DERL1: variants seen among roughly 807,000 people sequenced by gnomAD.
DERL1 encodes derlin-1.
In DERL1, 24 loss-of-function variants were observed where a neutral mutation model predicts 41.6. That is an observed-to-expected ratio of 0.58 (90% CI 0.42 to 0.81). The LOEUF (loss-of-function observed/expected upper bound fraction) is 0.81. Among genes scored for constraint, DERL1 ranks in the 30% least tolerant of loss-of-function variants. The pLI, the probability that DERL1 is intolerant of heterozygous loss-of-function variation, is 0.00. For synonymous variants in DERL1, 124 were observed against 112.5 expected, an observed-to-expected ratio of 1.10 and a Z score of -0.65; for missense variants, 260 against 314.3, an observed-to-expected ratio of 0.83 and a Z score of 1.31.
intron 7 of DERL1, chr8:123,015,828 T>C: frequency 2.5e-6 from 1 of 405,934 alleles, no homozygotes; most frequent in Admixed American, 4.5e-5. Context: ...ATTCACACTC[T>C]GAACGTTTTT....
chr8:123,036,770 T>C (rs1251992508), intron 1 of DERL1, among the ~76,000 whole-genome samples: 3 of 152,346 alleles, frequency 2.0e-5, no homozygotes, highest in East Asian at 1.9e-4. Context: ...AGAACTTCTA[T>C]GCTCAGCCTA....
At position 123,015,553 on chromosome 8, in the gene DERL1, A is replaced by G; in HGVS notation, c.650T>C (p.Val217Ala). ...AGCAGGGGGCACACCAAATCCTGATACTCCTCCTCTCCTACTGGGCAGCCA... is the reference window on the plus strand; with the variant it reads ...AGCAGGGGGCACACCAAATCCTGATGCTCCTCCTCTCCTACTGGGCAGCCA... Reference protein sequence around the residue: ...YRWLPSRRGGVSGFGVPPASM... With the variant: ...YRWLPSRRGGASGFGVPPASM... The change falls in exon 8 of 8, where the codon GTA becomes GCA. Residue 217 changes from valine to alanine, a missense_variant. Transcript: ENST00000259512. 1.2e-6 allele frequency: 2 copies of G among 1,610,996 alleles called. No homozygotes were observed. The highest frequency in any genetic ancestry group is 1.7e-6 in the Non-Finnish European group (2 of 1,178,636).
At chr8:123,025,112 T>C (rs1033830811) in intron 2 of DERL1, 62 bp from the exon 3 acceptor site, 7 of 1,534,668 alleles carry the variant, frequency 4.6e-6, no homozygotes, top group South Asian at 1.2e-5. Flanking sequence ...AACATCTACA[T>C]AGAGAAACAC....
intron 7 of DERL1, chr8:123,016,432 G>A (rs1428060243): frequency 6.6e-6 from 1 of 152,220 alleles, no homozygotes; most frequent in African/African-American, 2.4e-5. Context: ...GGCAGCAAGA[G>A]TAAGTCATGA....
intron 6 of DERL1, 63 bp downstream of exon 6, chr8:123,021,384 A>G: frequency 6.8e-7 from 1 of 1,465,274 alleles, no homozygotes; most frequent in Non-Finnish European, 9.6e-7. Flanking sequence ...TTAGAGAAAG[A>G]TAAAAACTAA....
intron 1 of DERL1, among the ~76,000 whole-genome samples, chr8:123,037,965 CATT>C (rs1812963381): frequency 6.6e-6 from 1 of 152,216 alleles, no homozygotes; most frequent in Non-Finnish European, 1.5e-5. Context: ...GAAGACATTT[CATT>C]ATTGTGAACT....
chr8:123,015,486 T>C lies in DERL1; in HGVS notation c.717A>G (p.Arg239=). 2 of 1,613,604 alleles carry C rather than the reference T, an allele frequency of 1.2e-6. No individual in the cohort carries two copies. The highest frequency in any genetic ancestry group is 1.7e-6 in the Non-Finnish European group (2 of 1,179,824). Residue 239 remains arginine, a synonymous_variant, in exon 8 of 8, where the codon AGA becomes AGG. Coordinates refer to ENST00000259512, the MANE Select transcript of DERL1 (RefSeq NM_024295.6). ...RAADQNGGGG[R]HNWGQGFRLG... ...GTCGAAAGCCCTGGCCCCAGTTGTG[T>C]CTCCCGCCTCCGCCATTCTGATCAG... is the stretch of plus-strand genomic sequence containing the variant.
At chr8:123,020,858 C>T (rs1237908597) in intron 6 of DERL1, among the ~76,000 whole-genome samples, 13 of 148,756 alleles carry the variant, frequency 8.7e-5, no homozygotes, top group Admixed American at 7.4e-4. Context: ...CCCAGCTACT[C>T]GGGAGGCTGA....
chr8:123,041,795 C>T (rs1009251713), intron 1 of DERL1, among the ~76,000 whole-genome samples, 175 bp downstream of exon 1: 2 of 152,214 alleles, frequency 1.3e-5, no homozygotes, highest in South Asian at 4.1e-4. Context: ...TCCAGCACCC[C>T]GCTCCAGATC....
chr8:123,026,032 T>TA (rs1812680454), intron 2 of DERL1, among the ~76,000 whole-genome samples: 1 of 151,870 alleles, frequency 6.6e-6, no homozygotes, highest in Admixed American at 6.6e-5. Flanking sequence ...GCTTGAAAGT[T>TA]ACTTTCCCTC....
At chr8:123,024,520 T>C (rs529994298) in intron 3 of DERL1, among the ~76,000 whole-genome samples, 5 of 152,360 alleles carry the variant, frequency 3.3e-5, no homozygotes, top group Admixed American at 6.5e-5. Flanking sequence ...AGAAACGTAC[T>C]GTGTCCCTTC....
At chr8:123,030,041 C>T (rs1394138783) in intron 2 of DERL1, among the ~76,000 whole-genome samples, 3 of 147,566 alleles carry the variant, frequency 2.0e-5, no homozygotes, top group Non-Finnish European at 3.0e-5. Context: ...GCCTGGGCAA[C>T]GGAGCAAGAT....
intron 7 of DERL1, 145 bp from the exon 8 acceptor site, chr8:123,015,730 C>A: frequency 9.2e-7 from 1 of 1,083,614 alleles, no homozygotes; most frequent in Non-Finnish European, 1.3e-6. Flanking sequence ...TCTTATTTAA[C>A]TTTGTCTTTT....
chr8:123,024,989 G>A lies in DERL1; in HGVS notation c.327C>T (p.Ile109=), dbSNP rs772642693. Residue 109 remains isoleucine (I), a synonymous_variant, in exon 3 of 8, where the codon ATC becomes ATT. Transcript: ENST00000259512. ...LFMLLFNWIC[I]VITGLAMDMQ... ...AAAATCACAGACTGAAGGATACCAC[G>A]ATGCAAATCCAGTTAAAGAGGAGCA... 28 of 1,613,342 alleles carry A rather than the reference G, an allele frequency of 1.7e-5. No homozygotes were observed. The East Asian group carries it at 4.5e-4, about 26-fold the overall frequency.
At chr8:123,021,647 A>C in intron 5 of DERL1, 148 bp from the exon 6 acceptor site, 3 of 701,564 alleles carry the variant, frequency 4.3e-6, no homozygotes, top group South Asian at 3.4e-5. Context: ...GGATCAATCT[A>C]GCATTATTCC....
chr8:123,032,287 A>G lies in DERL1; in HGVS notation c.154-1571T>C, dbSNP rs548374359. Among the ~76,000 whole-genome samples the G allele has an allele frequency of 7.4e-3, 1,127 of 151,992 alleles. 20 individuals are homozygous for G. The highest frequency in any genetic ancestry group is 0.026 in the African/African-American group (1,061 of 41,450). ...GTAGCTGGGACTACCAGCATGCACC[A>G]CCACACCTGGCTAATTTTTATATTT... is the stretch of plus-strand genomic sequence containing the variant. On this transcript the variant is annotated intron_variant, in intron 1 of 7. Coordinates refer to ENST00000259512, the MANE Select transcript of DERL1 (RefSeq NM_024295.6).
chr8:123,015,949 G>C (rs1814558402), intron 7 of DERL1: 1 of 164,888 alleles, frequency 6.1e-6, no homozygotes, highest in Non-Finnish European at 1.3e-5. Flanking sequence ...ATCTAAATAT[G>C]GCTCAAACTG....
chr8:123,030,543 G>T, intron 2 of DERL1, 62 bp downstream of exon 2: 2 of 1,242,498 alleles, frequency 1.6e-6, no homozygotes, highest in Non-Finnish European at 2.3e-6. Context: ...TTCCTCCAAA[G>T]TAAACACATG....
intron 1 of DERL1, among the ~76,000 whole-genome samples, chr8:123,041,670 C>T (rs1813074819): frequency 2.0e-5 from 3 of 152,234 alleles, no homozygotes; most frequent in Admixed American, 2.0e-4. Context: ...AGATTGACAA[C>T]TACCAACGAC....
Sources: allele counts gnomAD v4.1 joint callset (sites outside exome capture counted in the v4.1 genomes callset), GRCh38; gene constraint gnomAD v4.1.1; transcripts MANE v1.5; gene names NCBI Gene and HGNC (gene_info 2026-07-23, HGNC 2026-07-21).